The following ARHGAP10 variants were observed in gnomAD, a reference collection of about 807,000 sequenced individuals.
ARHGAP10 encodes rho GTPase-activating protein 10.
A neutral mutation model predicts 108.6 loss-of-function variants in ARHGAP10; 87 were observed. That is an observed-to-expected ratio of 0.80 (90% CI 0.67 to 0.96). ARHGAP10 has a LOEUF of 0.96. Among genes scored for constraint, ARHGAP10 ranks in the 40% least tolerant of loss-of-function variants. The pLI, the probability that ARHGAP10 is intolerant of heterozygous loss-of-function variation, is 0.00. For synonymous variants in ARHGAP10, 347 were observed against 341.1 expected (o/e 1.02, Z -0.19); for missense variants, 939 against 954.5 (o/e 0.98, Z 0.21).
chr4:148,034,613 G>A (rs1286052700), intron 19 of ARHGAP10, among the ~76,000 whole-genome samples: 1 of 152,056 alleles, frequency 6.6e-6, no homozygotes, highest in African/African-American at 2.4e-5. Flanking sequence ...ACAGGTGTGA[G>A]CCACTGCCCT....
At chr4:148,061,039 G>C (rs1032591303) in intron 20 of ARHGAP10, among the ~76,000 whole-genome samples, 4 of 151,484 alleles carry the variant, frequency 2.6e-5, no homozygotes, top group Non-Finnish European at 1.5e-5. Context: ...AAAACTGAGG[G>C]GTATTTTCCC....
chr4:148,041,256 G>A (rs1728620763), intron 19 of ARHGAP10, among the ~76,000 whole-genome samples: 2 of 152,168 alleles, frequency 1.3e-5, no homozygotes, highest in South Asian at 2.1e-4. Context: ...CATCTGTGAG[G>A]AATAACAGAA....
chr4:147,997,741 G>C (rs112319767), intron 18 of ARHGAP10, among the ~76,000 whole-genome samples: 7,070 of 152,284 alleles, frequency 0.046, 176 homozygotes, highest in South Asian at 0.057. Context: ...TAATTCTGAG[G>C]TTGATAAGTC....
At chr4:148,051,349 C>T (rs906824760) in intron 20 of ARHGAP10, among the ~76,000 whole-genome samples, 4 of 152,144 alleles carry the variant, frequency 2.6e-5, no homozygotes, top group African/African-American at 4.8e-5. Context: ...GTCATTTTTT[C>T]CCCACAATAA....
At chr4:147,898,477 C>T (rs1333555083) in intron 10 of ARHGAP10, among the ~76,000 whole-genome samples, 2 of 150,820 alleles carry the variant, frequency 1.3e-5, no homozygotes, top group African/African-American at 4.9e-5. Flanking sequence ...TTTGCCTTGC[C>T]CAGGGTTCCA....
chr4:147,925,216 A>T (rs540086123), intron 13 of ARHGAP10, among the ~76,000 whole-genome samples: 1 of 152,292 alleles, frequency 6.6e-6, no homozygotes, highest in South Asian at 2.1e-4. Context: ...GAAGCCAAAC[A>T]AACACCACAA....
chr4:148,003,067 C>T (rs554533878), intron 18 of ARHGAP10, among the ~76,000 whole-genome samples: 108 of 152,266 alleles, frequency 7.1e-4, no homozygotes, highest in Non-Finnish European at 1.1e-3. Flanking sequence ...TATAAATTTC[C>T]TTCTACACAC....
chr4:147,734,952 T>C (rs1728360317), intron 1 of ARHGAP10, among the ~76,000 whole-genome samples: 1 of 152,192 alleles, frequency 6.6e-6, no homozygotes. Flanking sequence ...GAAGTGTGTA[T>C]TTAAGTGATT....
rs193237165 is a variant in ARHGAP10 at position 147,806,060 on chromosome 4, C to G, written c.155-16667C>G. On this transcript the variant is annotated intron_variant, in intron 1 of 22. Transcript: ENST00000336498. ...TTATTTATAAAATCCATACTTTAAG[C>G]CTTTTGTTTATATTTATTTAACTCA... Among the ~76,000 whole-genome samples the G allele has an allele frequency of 3.3e-5, 5 of 152,106 alleles. No individual in the cohort carries two copies. The East Asian group carries it at 9.6e-4, about 29-fold the overall frequency.
At chr4:147,796,804 C>T (rs1022164691) in intron 1 of ARHGAP10, among the ~76,000 whole-genome samples, 13 of 152,180 alleles carry the variant, frequency 8.5e-5, no homozygotes, top group African/African-American at 7.2e-5. Context: ...GGATTACAGG[C>T]GTGAGCCACT....
At chr4:148,071,874 C>A in intron 22 of ARHGAP10, 119 bp from the exon 23 acceptor site, 2 of 749,004 alleles carry the variant, frequency 2.7e-6, no homozygotes, top group Non-Finnish European at 4.4e-6. Flanking sequence ...TGTGACCCAA[C>A]ATCCCAGAAG....
chr4:147,811,944 G>C (rs1350502418), intron 1 of ARHGAP10, among the ~76,000 whole-genome samples: 1 of 152,208 alleles, frequency 6.6e-6, no homozygotes, highest in African/African-American at 2.4e-5. Flanking sequence ...GGGGATACCT[G>C]TGTTAGCTTG....
chr4:147,884,996 C>T (rs969703068), intron 10 of ARHGAP10, among the ~76,000 whole-genome samples: 1 of 151,946 alleles, frequency 6.6e-6, no homozygotes, highest in Non-Finnish European at 1.5e-5. Flanking sequence ...GTGAGAGGGC[C>T]AGGATTGGTG....
chr4:147,884,527 T>A (rs1180137489), intron 10 of ARHGAP10, among the ~76,000 whole-genome samples: 1 of 152,246 alleles, frequency 6.6e-6, no homozygotes, highest in Non-Finnish European at 1.5e-5. Context: ...GCTTCCGTCT[T>A]TTTTCTTGCA....
intron 14 of ARHGAP10, among the ~76,000 whole-genome samples, chr4:147,940,485 C>T (rs1022623891): frequency 3.9e-5 from 6 of 152,140 alleles, no homozygotes; most frequent in East Asian, 1.9e-4. Context: ...AATGACAAAG[C>T]GCTTTTACAT....
intron 12 of ARHGAP10, among the ~76,000 whole-genome samples, chr4:147,911,994 CGTGTGTGT>C (rs36217593): frequency 0.07 from 9,458 of 135,254 alleles, 354 homozygotes; most frequent in South Asian, 0.099. Flanking sequence ...AGAACATTCA[CGTGTGTGT>C]GTGTGTGTGT....
rs1730231225 is a variant in ARHGAP10 at position 148,072,591 on chromosome 4, A to T, written c.*510A>T. On this transcript the variant is annotated 3_prime_UTR_variant, in exon 23 of 23. Coordinates refer to ENST00000336498, the MANE Select transcript of ARHGAP10 (RefSeq NM_024605.4). ...AGATGGTCTCAAGTCAGAGGGAAGC[A>T]GAGACGCGCGTCTCAAGCCTGCCCT... is the stretch of plus-strand genomic sequence containing the variant. 2 of 152,564 alleles carry T rather than the reference A, an allele frequency of 1.3e-5. No homozygotes were observed. Among genetic ancestry groups the T allele is most frequent in the African/African-American group, 4.8e-5 (2 of 41,456 alleles). 9.5% of individuals were successfully genotyped at this position (152,564 alleles called of 1,614,324 possible). A position where few individuals can be genotyped will look rare whatever the true frequency, so the allele number is the denominator to read the frequency against.
chr4:147,740,926 G>C (rs982100577), intron 1 of ARHGAP10, among the ~76,000 whole-genome samples: 3 of 151,904 alleles, frequency 2.0e-5, no homozygotes, highest in Non-Finnish European at 4.4e-5. Context: ...GGTGTTTATT[G>C]TTCCTAGGCA....
rs935244120 is a variant in ARHGAP10, at chr4:147,831,847, A to G, written c.312+8890A>G. Among the ~76,000 whole-genome samples, 5 of 152,296 alleles carry G rather than the reference A, an allele frequency of 3.3e-5. No individual in the cohort carries two copies. In the South Asian group the frequency reaches 1.0e-3, roughly 32 times the overall value. On this transcript the variant is annotated intron_variant, in intron 3 of 22. Transcript: ENST00000336498. ...CAAAATTCTAAAATGAGTGAAGATT[A>G]TCTTAGGCAGGAGGCCTGTCTCCTT... is the stretch of plus-strand genomic sequence containing the variant.
Sources: allele counts gnomAD v4.1 joint callset (sites outside exome capture counted in the v4.1 genomes callset), GRCh38; gene constraint gnomAD v4.1.1; transcripts MANE v1.5; gene names NCBI Gene and HGNC (gene_info 2026-07-23, HGNC 2026-07-21).